Variants in PHACTR1 observed in about 807,000 individuals in gnomAD.
The protein encoded by PHACTR1 is RPEL repeat containing 1.
Under a neutral mutation model 69.2 loss-of-function variants are expected in PHACTR1, and 16 were observed. The observed-to-expected ratio is 0.23, with a 90% CI of 0.16 to 0.35. The LOEUF is 0.35. Ranked by LOEUF, PHACTR1 falls within the 10% of genes least tolerant of loss-of-function variation. PHACTR1 has a pLI of 1.00. For synonymous variants in PHACTR1, 312 were observed against 284.5 expected, an observed-to-expected ratio of 1.10 and a Z score of -0.97; for missense variants, 510 against 734.7, an observed-to-expected ratio of 0.69 and a Z score of 3.54.
intron 5 of PHACTR1, among the ~76,000 whole-genome samples, chr6:13,127,503 G>A (rs563957940): frequency 6.6e-6 from 1 of 152,332 alleles, no homozygotes; most frequent in Non-Finnish European, 1.5e-5. Context: ...CCAGGAGGTT[G>A]AGGTTGCAGT....
At chr6:13,015,402 GT>G (rs1800035833) in intron 4 of PHACTR1, among the ~76,000 whole-genome samples, 1 of 152,164 alleles carries the variant, frequency 6.6e-6, no homozygotes, top group Non-Finnish European at 1.5e-5. Context: ...GGGGATATAC[GT>G]TTCTGAGAAG....
At chr6:12,749,431 C>A (rs1766250268) in intron 3 of PHACTR1, 1 of 609,190 alleles carries the variant, frequency 1.6e-6, no homozygotes, top group East Asian at 3.6e-5. Flanking sequence ...AACGGATTTT[C>A]TTTCTCTCCC....
At chr6:12,806,641 T>A (rs906188060) in intron 4 of PHACTR1, among the ~76,000 whole-genome samples, 1 of 152,138 alleles carries the variant, frequency 6.6e-6, no homozygotes, top group Admixed American at 6.5e-5. Flanking sequence ...AAAACCTTTT[T>A]TTTTAGAGAG....
intron 5 of PHACTR1, among the ~76,000 whole-genome samples, chr6:13,101,901 C>G (rs1323925218): frequency 6.6e-6 from 1 of 152,098 alleles, no homozygotes; most frequent in Non-Finnish European, 1.5e-5. Context: ...TGGAGGGAGC[C>G]TCGTGGGTAA....
chr6:13,034,173 A>G (rs1336860265), intron 4 of PHACTR1, among the ~76,000 whole-genome samples: 1 of 151,932 alleles, frequency 6.6e-6, no homozygotes, highest in African/African-American at 2.4e-5. Context: ...GCCCGCCACC[A>G]CGCCTGGCTA....
At chr6:13,160,182 C>A in intron 5 of PHACTR1, 22 bp from the exon 6 acceptor site, 1 of 1,607,290 alleles carries the variant, frequency 6.2e-7, no homozygotes, top group South Asian at 1.1e-5. Context: ...CATCTGCCTC[C>A]CTGTTTGTCT....
intron 8 of PHACTR1, among the ~76,000 whole-genome samples, chr6:13,218,567 G>A (rs1227801447): frequency 6.6e-6 from 1 of 152,088 alleles, no homozygotes; most frequent in Non-Finnish European, 1.5e-5. Flanking sequence ...AAAAGGCCAG[G>A]CACGGTGGCT....
intron 4 of PHACTR1, among the ~76,000 whole-genome samples, chr6:13,027,150 G>C (rs1801806930): frequency 6.6e-6 from 1 of 152,100 alleles, no homozygotes; most frequent in Non-Finnish European, 1.5e-5. Context: ...GGGAGAAAGA[G>C]GGTACCGGGT....
intron 4 of PHACTR1, 60 bp downstream of exon 4, chr6:12,749,850 T>C (rs1766356969): frequency 1.4e-6 from 2 of 1,385,440 alleles, no homozygotes; most frequent in Non-Finnish European, 1.9e-6. Context: ...TCCCCGGCTG[T>C]TGAGCCCCCG....
At chr6:13,072,774 G>A (rs888937552) in intron 5 of PHACTR1, among the ~76,000 whole-genome samples, 1 of 152,058 alleles carries the variant, frequency 6.6e-6, no homozygotes, top group African/African-American at 2.4e-5. Flanking sequence ...TGCATTGGGT[G>A]TGAATAGTTT....
intron 4 of PHACTR1, among the ~76,000 whole-genome samples, chr6:12,946,191 A>G (rs1229109077): frequency 6.6e-6 from 1 of 151,994 alleles, no homozygotes; most frequent in East Asian, 1.9e-4. Context: ...TGGGTAGGGA[A>G]AGATGAAAAG....
intron 3 of PHACTR1, among the ~76,000 whole-genome samples, chr6:12,725,474 G>A (rs1194989817): frequency 6.6e-6 from 1 of 152,134 alleles, no homozygotes; most frequent in Non-Finnish European, 1.5e-5. Flanking sequence ...TACTACAGCT[G>A]TTCACGCCTA....
At chr6:12,931,003 C>CAAAAAAA (rs34965562) in intron 4 of PHACTR1, among the ~76,000 whole-genome samples, 4 of 86,190 alleles carry the variant, frequency 4.6e-5, no homozygotes, top group Admixed American at 1.3e-4. Flanking sequence ...AACTCTGTCT[C>CAAAAAAA]AAAAAAAAAA....
chr6:12,827,895 C>G (rs1448524834), intron 4 of PHACTR1, among the ~76,000 whole-genome samples: 8 of 152,042 alleles, frequency 5.3e-5, no homozygotes. Flanking sequence ...GGGGGTGAAG[C>G]TTGCAATAAA....
At chr6:12,813,761 A>T (rs1043573350) in intron 4 of PHACTR1, among the ~76,000 whole-genome samples, 8 of 152,242 alleles carry the variant, frequency 5.3e-5, no homozygotes, top group Non-Finnish European at 1.0e-4. Context: ...ACTAGGCGCA[A>T]GTCACCACTG....
intron 4 of PHACTR1, among the ~76,000 whole-genome samples, chr6:12,858,081 T>A (rs1010055073): frequency 6.2e-4 from 95 of 152,180 alleles, no homozygotes; most frequent in African/African-American, 2.2e-3. Flanking sequence ...GCAATCTCCC[T>A]GCAACATGAA....
At chr6:12,751,164 G>A (rs1009137060) in intron 4 of PHACTR1, among the ~76,000 whole-genome samples, 1 of 152,234 alleles carries the variant, frequency 6.6e-6, no homozygotes, top group African/African-American at 2.4e-5. Flanking sequence ...AACTGAATGT[G>A]CCAGAGTGGC....
intron 4 of PHACTR1, among the ~76,000 whole-genome samples, chr6:12,998,311 G>T (rs902149718): frequency 1.3e-5 from 2 of 152,096 alleles, no homozygotes; most frequent in Non-Finnish European, 2.9e-5. Context: ...TCATAGAAAA[G>T]AATTTATTTA....
chr6:13,084,793 T>C (rs953168776), intron 5 of PHACTR1, among the ~76,000 whole-genome samples: 2 of 152,054 alleles, frequency 1.3e-5, no homozygotes, highest in African/African-American at 2.4e-5. Context: ...AAGGTGGTGA[T>C]AGGGATTCAT....
Sources: gnomAD v4.1 joint callset for allele counts (sites outside exome capture counted in the v4.1 genomes callset) on GRCh38, gnomAD v4.1.1 for gene constraint, MANE v1.5 for transcripts, NCBI Gene and HGNC (gene_info 2026-07-23, HGNC 2026-07-21) for gene names.